The following DNAH11 variants were observed in gnomAD, a reference collection of about 807,000 sequenced individuals.
DNAH11 encodes the protein axonemal beta dynein heavy chain 11.
Under a neutral mutation model 526.0 loss-of-function variants are expected in DNAH11, and 442 were observed. That is an observed-to-expected ratio of 0.84 (90% CI 0.78 to 0.91). DNAH11 has a LOEUF of 0.91. Ranked by LOEUF, DNAH11 falls within the 40% of genes least tolerant of loss-of-function variation. The pLI, the probability that DNAH11 is intolerant of heterozygous loss-of-function variation, is 0.00. For missense variants in DNAH11, 6,989 were observed against 5,448.7 expected (o/e 1.28, Z -8.90); for synonymous variants, 2,461 against 1,935.9 (o/e 1.27, Z -7.12).
chr7:21,814,852 G>T (rs1010496420), intron 63 of DNAH11, among the ~76,000 whole-genome samples: 1 of 151,916 alleles, frequency 6.6e-6, no homozygotes, highest in African/African-American at 2.4e-5. Context: ...AATGATGCCT[G>T]TATTATAACT....
At chr7:21,646,426 C>A (rs1182932754) in intron 28 of DNAH11, among the ~76,000 whole-genome samples, 1 of 152,196 alleles carries the variant, frequency 6.6e-6, no homozygotes, top group African/African-American at 2.4e-5. Context: ...ATGATTGTCT[C>A]AGTTTTCTGT....
chr7:21,652,619 A>C (rs1300728203), intron 28 of DNAH11, among the ~76,000 whole-genome samples: 1 of 152,200 alleles, frequency 6.6e-6, no homozygotes, highest in Non-Finnish European at 1.5e-5. Flanking sequence ...TGTAAAGGTC[A>C]TTGTCCCATC....
At chr7:21,837,424 G>T (rs937715581) in intron 65 of DNAH11, among the ~76,000 whole-genome samples, 3 of 152,130 alleles carry the variant, frequency 2.0e-5, no homozygotes, top group Non-Finnish European at 4.4e-5. Flanking sequence ...TGTAATTTGT[G>T]GCAACATGGA....
chr7:21,887,854 C>A (rs1213282068), intron 76 of DNAH11, among the ~76,000 whole-genome samples: 2 of 152,092 alleles, frequency 1.3e-5, no homozygotes, highest in African/African-American at 4.8e-5. Flanking sequence ...CAAAAAAGAA[C>A]CTCAGGCTTA....
At position 21,620,092 on chromosome 7, in the gene DNAH11, T is replaced by A. The variant is rs781031455; in HGVS notation, c.4500+14T>A. On this transcript the variant is annotated intron_variant, in intron 25 of 81. Transcript: ENST00000409508. ...GAGCACAACCAAGTAAGATGGATAT[T>A]TTTATTGCATATATTTTTCATTTTA... 9 of 1,548,892 alleles carry A rather than the reference T, an allele frequency of 5.8e-6. No homozygotes were observed. In the East Asian group the frequency reaches 1.9e-4, roughly 32 times the overall value.
At chr7:21,825,044 T>C (rs1790219487) in intron 65 of DNAH11, among the ~76,000 whole-genome samples, 1 of 152,058 alleles carries the variant, frequency 6.6e-6, no homozygotes, top group Non-Finnish European at 1.5e-5. Context: ...GCTAATTTTT[T>C]TATTTTTAGT....
intron 31 of DNAH11, 83 bp downstream of exon 31, chr7:21,681,760 G>A (rs185545978): frequency 6.2e-5 from 97 of 1,557,782 alleles, no homozygotes; most frequent in Admixed American, 3.7e-4. Context: ...CAAGAAAGTC[G>A]TTGTTTTTTT....
intron 31 of DNAH11, 73 bp downstream of exon 31, chr7:21,681,750 C>T (rs1783149772): frequency 1.9e-6 from 3 of 1,571,442 alleles, no homozygotes; most frequent in African/African-American, 2.7e-5. Context: ...AGAGTAGTTC[C>T]AAGAAAGTCG....
Position 21,894,732 on chromosome 7 carries a change from A to G in DNAH11, c.12860A>G (p.Gln4287Arg). ...AGCCCATATGTTCTTGTTTGCTTCC[A>G]AGAATGTGAGAGGATGAATATTCTC... ...NRSPYVLVCF[Q>R]ECERMNILIR... Residue 4287 changes from glutamine (Q) to arginine (R), a missense_variant, in exon 78 of 82, where the codon CAA (glutamine) becomes CGA (arginine). Transcript: ENST00000409508. 1 of 1,613,484 alleles carries G rather than the reference A, an allele frequency of 6.2e-7. No individual in the cohort carries two copies. The highest frequency in any genetic ancestry group is 8.5e-7 in the Non-Finnish European group (1 of 1,179,764).
chr7:21,819,241 A>G (rs1363825816), intron 65 of DNAH11, among the ~76,000 whole-genome samples: 1 of 151,918 alleles, frequency 6.6e-6, no homozygotes, highest in East Asian at 1.9e-4. Flanking sequence ...CTCTGCCTCT[A>G]AGGTATCTGT....
intron 79 of DNAH11, among the ~76,000 whole-genome samples, chr7:21,898,059 A>G (rs1235660132): frequency 2.0e-5 from 3 of 152,190 alleles, no homozygotes; most frequent in Non-Finnish European, 2.9e-5. Flanking sequence ...GGGGTCTTCA[A>G]ACTTAATTTC....
intron 80 of DNAH11, among the ~76,000 whole-genome samples, chr7:21,899,753 A>G (rs1265933031): frequency 6.6e-6 from 1 of 152,206 alleles, no homozygotes; most frequent in East Asian, 1.9e-4. Context: ...AAAACCACAG[A>G]CAATCCACAA....
At chr7:21,584,366 G>A (rs1002018217) in intron 9 of DNAH11, among the ~76,000 whole-genome samples, 1 of 152,124 alleles carries the variant, frequency 6.6e-6, no homozygotes, top group Non-Finnish European at 1.5e-5. Flanking sequence ...CTCATAAGTG[G>A]GAGTTAAACA....
At chr7:21,890,610 G>C (rs112075312) in intron 76 of DNAH11, among the ~76,000 whole-genome samples, 4,069 of 152,198 alleles carry the variant, frequency 0.027, 100 homozygotes, top group Non-Finnish European at 0.04. Flanking sequence ...GTGGATTCTA[G>C]GTTTTGGTTT....
chr7:21,898,659 G>T (rs529542861), intron 79 of DNAH11, among the ~76,000 whole-genome samples: 1 of 152,086 alleles, frequency 6.6e-6, no homozygotes. Context: ...TCTGTCCCTA[G>T]CCTCTGTGAG....
chr7:21,757,088 A>T (rs189838670), intron 54 of DNAH11, among the ~76,000 whole-genome samples: 1 of 152,298 alleles, frequency 6.6e-6, no homozygotes, highest in African/African-American at 2.4e-5. Flanking sequence ...TATGTATTTT[A>T]CCAACCAATT....
chr7:21,623,089 C>G (rs1469008464), intron 25 of DNAH11, among the ~76,000 whole-genome samples: 2 of 151,560 alleles, frequency 1.3e-5, no homozygotes, highest in Admixed American at 1.3e-4. Flanking sequence ...GGCTAATATC[C>G]AGAATCTACA....
At chr7:21,677,856 T>TA (rs1157863828) in intron 30 of DNAH11, among the ~76,000 whole-genome samples, 5 of 152,256 alleles carry the variant, frequency 3.3e-5, no homozygotes, top group African/African-American at 4.8e-5. Flanking sequence ...ATATACTAGT[T>TA]AGACATTTGT....
chr7:21,727,524 C>G (rs1785180121), intron 45 of DNAH11, among the ~76,000 whole-genome samples: 1 of 152,200 alleles, frequency 6.6e-6, no homozygotes. Flanking sequence ...TCTTTCTTCA[C>G]TGTTTCTTTT....
Sources: allele counts gnomAD v4.1 joint callset (sites outside exome capture counted in the v4.1 genomes callset), GRCh38; gene constraint gnomAD v4.1.1; transcripts MANE v1.5; gene names NCBI Gene and HGNC (gene_info 2026-07-23, HGNC 2026-07-21).